TMED3: variants seen among roughly 807,000 people sequenced by gnomAD.
TMED3 encodes the protein transmembrane emp24 domain-containing protein 3.
Under a neutral mutation model 15.0 loss-of-function variants are expected in TMED3, and 9 were observed. That is an observed-to-expected ratio of 0.60 (90% confidence interval 0.36 to 1.04). TMED3 has a LOEUF of 1.04. TMED3 is among the 50% of genes least tolerant of loss of function. TMED3 has a pLI of 0.01. For synonymous variants in TMED3, 117 were observed against 121.4 expected (o/e 0.96, Z 0.24); for missense variants, 267 against 278.9 (o/e 0.96, Z 0.30).
At chr15:79,395,464 A>G (rs1193081788) in intron 2 of TMED3, among the ~76,000 whole-genome samples, 2 of 152,168 alleles carry the variant, frequency 1.3e-5, no homozygotes, top group Non-Finnish European at 2.9e-5. Flanking sequence ...TACACGCTTG[A>G]GCCACCGCGC....
At chr15:79,378,216 A>T (rs1333316668) in intron 2 of TMED3, among the ~76,000 whole-genome samples, 2 of 152,248 alleles carry the variant, frequency 1.3e-5, no homozygotes, top group Non-Finnish European at 2.9e-5. Context: ...GCATATATTT[A>T]TTAAAAGCAA....
At chr15:79,356,385 A>G (rs573723845) in intron 2 of TMED3, among the ~76,000 whole-genome samples, 2 of 152,312 alleles carry the variant, frequency 1.3e-5, no homozygotes, top group African/African-American at 2.4e-5. Flanking sequence ...AAGGTGCTCA[A>G]TATATATTTG....
chr15:79,313,877 G>GT lies in TMED3; in HGVS notation c.292dup (p.Tyr98LeufsTer7). 1.9e-6 allele frequency: 3 copies of GT among 1,614,198 alleles called. No homozygotes were observed. The highest frequency in any genetic ancestry group is 2.5e-6 in the Non-Finnish European group (3 of 1,180,040). ...CACGTACCGGGCTGAAGTCAAGGGC[G>GT]TTTATCAGTTTTGCTTCAGTAATGA... is the stretch of plus-strand genomic sequence containing the variant. On this transcript the variant is annotated frameshift_variant, in exon 2 of 3. Coordinates refer to ENST00000299705, the MANE Select transcript of TMED3 (RefSeq NM_007364.4). LOFTEE classifies it high-confidence loss of function.
At chr15:79,342,218 T>A (rs2058854199) in intron 2 of TMED3, among the ~76,000 whole-genome samples, 1 of 152,190 alleles carries the variant, frequency 6.6e-6, no homozygotes, top group African/African-American at 2.4e-5. Flanking sequence ...AAAATGATAC[T>A]CATCTATCAG....
chr15:79,311,134 G>T lies in TMED3; in HGVS notation c.-116G>T. 8.3e-7 allele frequency: 1 copy of T among 1,200,254 alleles called. No individual in the cohort carries two copies. The highest frequency in any genetic ancestry group is 1.1e-6 in the Non-Finnish European group (1 of 899,170). 74.4% of individuals were successfully genotyped at this position (1,200,254 alleles called of 1,614,324 possible). On this transcript the variant is annotated 5_prime_UTR_variant, in exon 1 of 3. Coordinates refer to ENST00000299705, the MANE Select transcript of TMED3 (RefSeq NM_007364.4). Reference sequence around the variant, plus strand: ...GGCCCTCCCGGAAGCGCAGAGCTCCGCTGGTGCCACGTCTATCCCCTTACA... The same window carrying T: ...GGCCCTCCCGGAAGCGCAGAGCTCCTCTGGTGCCACGTCTATCCCCTTACA...
At chr15:79,369,546 C>A (rs982143804) in intron 2 of TMED3, among the ~76,000 whole-genome samples, 3 of 152,220 alleles carry the variant, frequency 2.0e-5, no homozygotes, top group African/African-American at 7.2e-5. Context: ...TTATACCAGA[C>A]CTCGCTCTTG....
intron 2 of TMED3, among the ~76,000 whole-genome samples, chr15:79,396,719 G>A (rs1163089011): frequency 2.6e-5 from 4 of 152,164 alleles, no homozygotes; most frequent in African/African-American, 9.7e-5. Context: ...TGTGGCTGTG[G>A]TCACTGGAAA....
At chr15:79,372,051 A>T (rs1893349228) in intron 2 of TMED3, among the ~76,000 whole-genome samples, 1 of 152,230 alleles carries the variant, frequency 6.6e-6, no homozygotes, top group Non-Finnish European at 1.5e-5. Context: ...TGCTAGAATA[A>T]GCAAAAACAA....
At chr15:79,311,949 C>A (rs2058717223) in intron 1 of TMED3, among the ~76,000 whole-genome samples, 1 of 152,220 alleles carries the variant, frequency 6.6e-6, no homozygotes, top group South Asian at 2.1e-4. Context: ...GCCATTGAGG[C>A]CTGGCGGTGT....
At chr15:79,351,040 A>G (rs572035705) in intron 2 of TMED3, among the ~76,000 whole-genome samples, 1 of 152,338 alleles carries the variant, frequency 6.6e-6, no homozygotes, top group Non-Finnish European at 1.5e-5. Flanking sequence ...AGCCACGTTT[A>G]TTCCTCAATA....
intron 2 of TMED3, among the ~76,000 whole-genome samples, chr15:79,367,258 G>A (rs1893254240): frequency 6.6e-6 from 1 of 152,172 alleles, no homozygotes; most frequent in Admixed American, 6.6e-5. Context: ...AATTGGATTA[G>A]TGAAGTGGAA....
rs560525403 is a variant in TMED3 at position 79,343,852 on chromosome 15, G to A, written c.417+29847G>A. Among the ~76,000 whole-genome samples, 18 of 152,180 alleles carry A rather than the reference G, an allele frequency of 1.2e-4. 1 individual carries two copies. Among genetic ancestry groups the A allele is most frequent in the Non-Finnish European group, 2.1e-4 (14 of 68,020 alleles). ...GATGAGCCTGACTGTGGGAAGGAGAGTTTGGGGATGGAGTTTTGGTGGAGG... is the reference window on the plus strand; with the variant it reads ...GATGAGCCTGACTGTGGGAAGGAGAATTTGGGGATGGAGTTTTGGTGGAGG... On this transcript the variant is annotated intron_variant, in intron 2 of 2. Coordinates refer to the TMED3 transcript ENST00000424155.
At chr15:79,327,081 A>G (rs1300316315), downstream of TMED3, among the ~76,000 whole-genome samples, 1 of 152,172 alleles carries the variant, frequency 6.6e-6, no homozygotes, top group African/African-American at 2.4e-5. Flanking sequence ...CTCACTCACT[A>G]CAGCAAGGAC....
At chr15:79,371,329 G>T (rs753017287) in intron 2 of TMED3, among the ~76,000 whole-genome samples, 1 of 152,114 alleles carries the variant, frequency 6.6e-6, no homozygotes, top group Admixed American at 6.5e-5. Flanking sequence ...GTTGATGAGG[G>T]TTGGGGCTGG....
chr15:79,370,260 T>TC (rs1421115963), intron 2 of TMED3, among the ~76,000 whole-genome samples: 4 of 136,834 alleles, frequency 2.9e-5, no homozygotes, highest in Admixed American at 2.9e-4. Flanking sequence ...CAGCTAATTT[T>TC]TTTTTTTTTT....
rs933192539 is a variant in TMED3, at chr15:79,395,165, G to A, written c.418-16235G>A. Among the ~76,000 whole-genome samples the A allele has an allele frequency of 9.9e-5, 15 of 152,072 alleles. No individual in the cohort carries two copies. In the South Asian group the frequency reaches 2.9e-3, roughly 29 times the overall value. On this transcript the variant is annotated intron_variant, in intron 2 of 2. Coordinates refer to the TMED3 transcript ENST00000424155. ...TCCTGATTTGGAAACTGTAGATGAT[G>A]TCCCTGGTTTTTTTGTTTTGTTTGT...
At chr15:79,315,603 G>A (rs1160996500) in intron 2 of TMED3, among the ~76,000 whole-genome samples, 1 of 152,230 alleles carries the variant, frequency 6.6e-6, no homozygotes, top group Admixed American at 6.5e-5. Flanking sequence ...GGTCAACAGA[G>A]ACATTCTTTC....
downstream of TMED3, among the ~76,000 whole-genome samples, chr15:79,324,151 C>T (rs574374140): frequency 2.6e-5 from 4 of 152,252 alleles, no homozygotes; most frequent in South Asian, 4.1e-4. Flanking sequence ...CCACCACGCC[C>T]GGCTAATTTT....
chr15:79,345,267 C>T lies in TMED3; in HGVS notation c.417+31262C>T, dbSNP rs921577504. ...CATCACCCAGATATTAAGCCTAGTA[C>T]CCATTAGTTATTTTTCCTGATCCTC... On this transcript the variant is annotated intron_variant, in intron 2 of 2. Transcript: ENST00000424155. Among the ~76,000 whole-genome samples the T allele has an allele frequency of 2.6e-5, 4 of 151,984 alleles. No individual in the cohort carries two copies. In the East Asian group the frequency reaches 7.7e-4, roughly 29 times the overall value.
Sources: allele counts gnomAD v4.1 joint callset (sites outside exome capture counted in the v4.1 genomes callset), GRCh38; gene constraint gnomAD v4.1.1; transcripts MANE v1.5; gene names NCBI Gene and HGNC (gene_info 2026-07-23, HGNC 2026-07-21).